EEA1: variants seen among roughly 807,000 people sequenced by gnomAD.
EEA1 encodes early endosome antigen 1, 162kD.
In EEA1, 111 loss-of-function variants were observed where a neutral mutation model predicts 209.2. The ratio of observed to expected loss-of-function variants is 0.53; its 90% CI spans 0.45 to 0.62. The LOEUF (loss-of-function observed/expected upper bound fraction) is 0.62. Ranked by LOEUF, EEA1 falls within the 20% of genes least tolerant of loss-of-function variation. The probability of loss-of-function intolerance (pLI) is 0.00; values close to 1 mark genes in which losing one functional copy is unlikely to be tolerated. For missense variants in EEA1, 1,343 were observed against 1,530.8 expected (o/e 0.88, Z 2.05); for synonymous variants, 536 against 540.6 (o/e 0.99, Z 0.12).
chr12:92,914,710 C>G (rs1171690224), intron 1 of EEA1, among the ~76,000 whole-genome samples: 1 of 151,458 alleles, frequency 6.6e-6, no homozygotes, highest in African/African-American at 2.4e-5. Context: ...GTAACCCAGG[C>G]TGGAGTGCAG....
chr12:92,808,509 G>A (rs1240497530), intron 18 of EEA1, among the ~76,000 whole-genome samples: 2 of 148,598 alleles, frequency 1.3e-5, no homozygotes, highest in African/African-American at 2.5e-5. Flanking sequence ...TTGAGATAGA[G>A]TATCACTTTG....
At chr12:92,818,009 T>C (rs1875873566) in intron 14 of EEA1, among the ~76,000 whole-genome samples, 2 of 152,174 alleles carry the variant, frequency 1.3e-5, no homozygotes, top group African/African-American at 4.8e-5. Context: ...TTTTTCAGCC[T>C]GTAGCTCCTT....
At chr12:92,845,829 G>C (rs1008639424) in intron 9 of EEA1, among the ~76,000 whole-genome samples, 4 of 152,084 alleles carry the variant, frequency 2.6e-5, no homozygotes, top group African/African-American at 9.7e-5. Context: ...ACCTAAAGTA[G>C]TCCCTGACAC....
intron 12 of EEA1, among the ~76,000 whole-genome samples, chr12:92,827,387 C>A (rs1876361979): frequency 6.6e-6 from 1 of 152,000 alleles, no homozygotes. Flanking sequence ...AAATTAAAAA[C>A]TTAAAAATAA....
chr12:92,780,175 G>A, intron 24 of EEA1, 105 bp downstream of exon 24: 1 of 1,254,752 alleles, frequency 8.0e-7, no homozygotes, highest in Non-Finnish European at 1.1e-6. Flanking sequence ...AATTTGCCTA[G>A]CACATAGCAA....
intron 10 of EEA1, among the ~76,000 whole-genome samples, chr12:92,833,532 G>A (rs117962381): frequency 0.016 from 2,482 of 151,868 alleles, 38 homozygotes; most frequent in South Asian, 0.09. Flanking sequence ...GTCTCAGTGG[G>A]GTTGTAAAAA....
At chr12:92,875,764 C>T (rs905792470) in intron 2 of EEA1, among the ~76,000 whole-genome samples, 1 of 152,178 alleles carries the variant, frequency 6.6e-6, no homozygotes, top group Non-Finnish European at 1.5e-5. Flanking sequence ...AAGAGGCAGA[C>T]CCGATCGCTG....
intron 16 of EEA1, 26 bp downstream of exon 16, chr12:92,812,954 G>C (rs1167061712): frequency 2.7e-6 from 4 of 1,470,908 alleles, no homozygotes; most frequent in Non-Finnish European, 3.7e-6. Context: ...CTAGGTGATA[G>C]TATGAAATTG....
chr12:92,811,555 A>T (rs1038620346), intron 16 of EEA1, 121 bp from the exon 17 acceptor site: 6 of 599,244 alleles, frequency 1.0e-5, no homozygotes, highest in Non-Finnish European at 1.5e-5. Flanking sequence ...GTAAGAGCTC[A>T]GATAAATCTA....
chr12:92,819,227 G>T, intron 14 of EEA1, 81 bp downstream of exon 14: 2 of 1,233,614 alleles, frequency 1.6e-6, no homozygotes, highest in Non-Finnish European at 2.2e-6. Context: ...CAAGAATGAA[G>T]AATCATTTAA....
intron 9 of EEA1, among the ~76,000 whole-genome samples, chr12:92,847,949 C>T (rs1877452333): frequency 6.6e-6 from 1 of 152,024 alleles, no homozygotes; most frequent in South Asian, 2.1e-4. Context: ...ATTATTCTGA[C>T]TCTTAAGTTA....
chr12:92,789,989 T>C (rs1309144730), intron 21 of EEA1, among the ~76,000 whole-genome samples: 2 of 152,194 alleles, frequency 1.3e-5, no homozygotes, highest in African/African-American at 2.4e-5. Context: ...CCGCTGGTGA[T>C]ACCCAGGCAA....
intron 22 of EEA1, among the ~76,000 whole-genome samples, chr12:92,787,300 A>C (rs1202890961): frequency 6.6e-6 from 1 of 152,134 alleles, no homozygotes; most frequent in South Asian, 2.1e-4. Context: ...CCTGTGACCT[A>C]AAAATTGTTT....
At chr12:92,896,783 A>G (rs1347027367) in intron 1 of EEA1, among the ~76,000 whole-genome samples, 1 of 151,904 alleles carries the variant, frequency 6.6e-6, no homozygotes, top group African/African-American at 2.4e-5. Context: ...GAAAAAAAGA[A>G]AAAAAAAGAA....
intron 10 of EEA1, among the ~76,000 whole-genome samples, chr12:92,841,110 G>T (rs1565830558): frequency 6.6e-6 from 1 of 152,138 alleles, no homozygotes; most frequent in Non-Finnish European, 1.5e-5. Context: ...AATTTCTATT[G>T]TTTATAAGCT....
At chr12:92,884,843 C>T (rs1316481464) in intron 2 of EEA1, 1 of 644,898 alleles carries the variant, frequency 1.6e-6, no homozygotes, top group East Asian at 3.2e-5. Context: ...TAGACAAATA[C>T]TCATGGGTAT....
At chr12:92,789,801 C>T (rs539688239) in intron 21 of EEA1, among the ~76,000 whole-genome samples, 38 of 152,214 alleles carry the variant, frequency 2.5e-4, no homozygotes, top group South Asian at 1.2e-3. Context: ...GCTCTGAGAA[C>T]GGACAGACTG....
intron 10 of EEA1, among the ~76,000 whole-genome samples, chr12:92,834,101 G>A (rs1431594986): frequency 6.6e-6 from 1 of 151,906 alleles, no homozygotes; most frequent in East Asian, 1.9e-4. Context: ...ATTTCACAGG[G>A]GATAATAGAT....
intron 11 of EEA1, among the ~76,000 whole-genome samples, chr12:92,829,994 G>C (rs1382549645): frequency 7.1e-6 from 1 of 140,896 alleles, no homozygotes; most frequent in African/African-American, 2.6e-5. Context: ...GTTTAGAAAG[G>C]ATTTTTAGGG....
Sources: gnomAD v4.1 joint callset for allele counts (sites outside exome capture counted in the v4.1 genomes callset) on GRCh38, gnomAD v4.1.1 for gene constraint, MANE v1.5 for transcripts, NCBI Gene and HGNC (gene_info 2026-07-23, HGNC 2026-07-21) for gene names.